The following MALRD1 variants were observed in gnomAD, a reference collection of about 807,000 sequenced individuals.
MALRD1 encodes the protein MAM and LDL-receptor class A domain-containing protein 1.
Under a neutral mutation model 242.1 loss-of-function variants are expected in MALRD1, and 247 were observed. The observed-to-expected ratio is 1.02, with a 90% CI of 0.92 to 1.13. The LOEUF (loss-of-function observed/expected upper bound fraction) is 1.13, where lower values mean the gene tolerates loss of function less well. Ranked by LOEUF, MALRD1 falls within the 50% of genes most tolerant of loss-of-function variation. The pLI is 0.00. For synonymous variants in MALRD1, 995 were observed against 866.6 expected (o/e 1.15, Z -2.60); for missense variants, 2,989 against 2,533.1 (o/e 1.18, Z -3.86).
intron 19 of MALRD1, among the ~76,000 whole-genome samples, chr10:19,266,539 A>G (rs1839982318): frequency 1.3e-5 from 2 of 151,934 alleles, no homozygotes; most frequent in Admixed American, 6.6e-5. Flanking sequence ...CACAATTTAC[A>G]TCTTTTTATA....
chr10:19,413,716 G>A (rs960982713), intron 28 of MALRD1, among the ~76,000 whole-genome samples: 7 of 151,862 alleles, frequency 4.6e-5, no homozygotes, highest in African/African-American at 1.7e-4. Context: ...GTGTGTGGTG[G>A]CTTACACCTG....
intron 10 of MALRD1, among the ~76,000 whole-genome samples, chr10:19,138,541 C>T (rs913477055): frequency 6.6e-6 from 1 of 151,856 alleles, no homozygotes; most frequent in South Asian, 2.1e-4. Context: ...CTGTCTCGGC[C>T]TCCAGAGTAG....
At chr10:19,519,434 CT>C (rs907785513) in intron 31 of MALRD1, among the ~76,000 whole-genome samples, 4 of 152,206 alleles carry the variant, frequency 2.6e-5, no homozygotes, top group Non-Finnish European at 5.9e-5. Flanking sequence ...TCATTATATA[CT>C]TTGAAAAATC....
chr10:19,168,324 C>A (rs1834786461), intron 13 of MALRD1, among the ~76,000 whole-genome samples: 1 of 152,146 alleles, frequency 6.6e-6, no homozygotes, highest in South Asian at 2.1e-4. Flanking sequence ...ACAATTTGAT[C>A]TTTTGCCTCC....
chr10:19,133,384 C>T (rs1166722825), intron 8 of MALRD1, among the ~76,000 whole-genome samples: 3 of 152,088 alleles, frequency 2.0e-5, no homozygotes, highest in Non-Finnish European at 2.9e-5. Flanking sequence ...AATGTTTCCA[C>T]AGGAAAAAAT....
chr10:19,491,747 T>G (rs1458551036), intron 30 of MALRD1, 102 bp downstream of exon 30: 2 of 1,303,708 alleles, frequency 1.5e-6, no homozygotes, highest in Non-Finnish European at 2.1e-6. Context: ...AATATTATTT[T>G]CATGCACTAG....
intron 36 of MALRD1, among the ~76,000 whole-genome samples, chr10:19,625,470 C>A (rs753384196): frequency 5.3e-5 from 8 of 152,000 alleles, no homozygotes; most frequent in Non-Finnish European, 8.8e-5. Flanking sequence ...CTAGAACATT[C>A]CCTGAACCCA....
At chr10:19,136,447 T>C (rs2131413107) in intron 9 of MALRD1, 127 bp from the exon 10 acceptor site, 1 of 451,554 alleles carries the variant, frequency 2.2e-6, no homozygotes, top group Non-Finnish European at 3.6e-6. Context: ...AGGAACTTTG[T>C]TATATATTGC....
At chr10:19,159,752 C>T (rs150010604) in intron 12 of MALRD1, among the ~76,000 whole-genome samples, 2 of 152,250 alleles carry the variant, frequency 1.3e-5, no homozygotes, top group African/African-American at 2.4e-5. Context: ...GTCCCAGAGG[C>T]ACTGTACAGA....
intron 29 of MALRD1, among the ~76,000 whole-genome samples, chr10:19,477,757 C>T (rs993927383): frequency 1.3e-4 from 20 of 152,218 alleles, no homozygotes; most frequent in African/African-American, 4.8e-4. Flanking sequence ...CTGATTTACA[C>T]AGGGCCCAAG....
At chr10:19,326,582 T>A (rs1843144483) in intron 22 of MALRD1, among the ~76,000 whole-genome samples, 1 of 152,114 alleles carries the variant, frequency 6.6e-6, no homozygotes, top group African/African-American at 2.4e-5. Context: ...TTAGAAATGA[T>A]GTTTTCTTGA....
At chr10:19,228,463 A>G (rs1418414419) in intron 18 of MALRD1, among the ~76,000 whole-genome samples, 2 of 152,206 alleles carry the variant, frequency 1.3e-5, no homozygotes, top group Admixed American at 1.3e-4. Flanking sequence ...CTTGATCATG[A>G]TTGTGGTCAA....
intron 36 of MALRD1, among the ~76,000 whole-genome samples, chr10:19,673,479 C>T (rs921827191): frequency 9.2e-5 from 14 of 152,184 alleles, no homozygotes; most frequent in Non-Finnish European, 1.8e-4. Context: ...AATGCTGCAG[C>T]ACCATATACT....
chr10:19,329,919 C>T (rs1318828494), intron 23 of MALRD1, among the ~76,000 whole-genome samples: 1 of 152,120 alleles, frequency 6.6e-6, no homozygotes, highest in African/African-American at 2.4e-5. Flanking sequence ...ACCTATATGG[C>T]AGAAGATAAG....
intron 34 of MALRD1, among the ~76,000 whole-genome samples, chr10:19,601,137 C>T (rs574000343): frequency 6.6e-6 from 1 of 152,068 alleles, no homozygotes; most frequent in Admixed American, 6.6e-5. Flanking sequence ...CCGCCTTGGT[C>T]TCTCAAAGTT....
At chr10:19,430,379 C>A (rs1278705908) in intron 28 of MALRD1, among the ~76,000 whole-genome samples, 1 of 151,528 alleles carries the variant, frequency 6.6e-6, no homozygotes. Context: ...CCTCCCAAAG[C>A]GCTGGGATTA....
At chr10:19,290,531 A>G (rs1841367194) in intron 21 of MALRD1, 1 of 152,136 alleles carries the variant, frequency 6.6e-6, no homozygotes, top group Non-Finnish European at 1.5e-5. Flanking sequence ...TGCAATTTAC[A>G]TGTTTTTTTG....
intron 10 of MALRD1, 73 bp downstream of exon 10, chr10:19,136,854 GTTTCTA>G: frequency 9.4e-7 from 1 of 1,059,708 alleles, no homozygotes; most frequent in Non-Finnish European, 1.2e-6. Flanking sequence ...AACAGTCTTT[GTTTCTA>G]TCAAGGCAAA....
chr10:19,680,333 A>G (rs4348798), intron 36 of MALRD1, among the ~76,000 whole-genome samples: 21,962 of 152,078 alleles, frequency 0.14, 2,704 homozygotes, highest in African/African-American at 0.33. Context: ...TGTATTGGGT[A>G]CATATATATT....
Sources: gnomAD v4.1 joint callset for allele counts (sites outside exome capture counted in the v4.1 genomes callset) on GRCh38, gnomAD v4.1.1 for gene constraint, MANE v1.5 for transcripts, NCBI Gene and HGNC (gene_info 2026-07-23, HGNC 2026-07-21) for gene names.